RNF150: variants seen among roughly 807,000 people sequenced by gnomAD.
The protein encoded by RNF150 is ring finger protein 150.
In RNF150, 24 loss-of-function variants were observed where a neutral mutation model predicts 39.3. The observed-to-expected ratio is 0.61, with a 90% confidence interval of 0.44 to 0.86. The LOEUF (loss-of-function observed/expected upper bound fraction) is 0.86. Ranked by LOEUF, RNF150 falls within the 40% of genes least tolerant of loss-of-function variation. The pLI, the probability that RNF150 is intolerant of heterozygous loss-of-function variation, is 0.00. For synonymous variants in RNF150, 255 were observed against 227.3 expected, an observed-to-expected ratio of 1.12 and a Z score of -1.10; for missense variants, 502 against 587.8, an observed-to-expected ratio of 0.85 and a Z score of 1.51.
intron 6 of RNF150, among the ~76,000 whole-genome samples, chr4:140,875,585 A>G (rs536537856): frequency 2.0e-5 from 3 of 152,176 alleles, no homozygotes; most frequent in Non-Finnish European, 4.4e-5. Flanking sequence ...AGCTACATAT[A>G]GGCCTTTTCC....
At chr4:140,893,827 A>G (rs1179155819) in intron 6 of RNF150, among the ~76,000 whole-genome samples, 1 of 152,222 alleles carries the variant, frequency 6.6e-6, no homozygotes, top group Non-Finnish European at 1.5e-5. Context: ...CAGAATTAGG[A>G]AAATTCTTAA....
intron 1 of RNF150, among the ~76,000 whole-genome samples, chr4:141,211,461 C>T (rs1036952474): frequency 6.6e-6 from 1 of 152,148 alleles, no homozygotes; most frequent in Non-Finnish European, 1.5e-5. Context: ...ATGATGAACA[C>T]ATCTTACATT....
intron 1 of RNF150, among the ~76,000 whole-genome samples, chr4:140,975,270 T>A (rs62325721): frequency 0.17 from 25,854 of 151,898 alleles, 2,292 homozygotes; most frequent in Middle Eastern, 0.25. Flanking sequence ...GAAAAACAAA[T>A]ACATAAAATA....
intron 1 of RNF150, among the ~76,000 whole-genome samples, chr4:141,031,083 C>T (rs1277912731): frequency 6.6e-6 from 1 of 151,926 alleles, no homozygotes; most frequent in Non-Finnish European, 1.5e-5. Flanking sequence ...AACCCTGTAG[C>T]TCCAACTAAT....
At chr4:141,095,561 A>G (rs1468312827) in intron 1 of RNF150, among the ~76,000 whole-genome samples, 2 of 152,274 alleles carry the variant, frequency 1.3e-5, no homozygotes, top group Non-Finnish European at 2.9e-5. Context: ...GGGAAAAATC[A>G]GACACAAAAT....
intron 6 of RNF150, among the ~76,000 whole-genome samples, chr4:140,877,722 T>C (rs1254932491): frequency 2.6e-5 from 4 of 152,166 alleles, no homozygotes; most frequent in Non-Finnish European, 5.9e-5. Flanking sequence ...CAAGGTGACA[T>C]ATGCTAAAAG....
intron 1 of RNF150, among the ~76,000 whole-genome samples, chr4:141,023,048 C>T (rs1003999799): frequency 9.2e-5 from 14 of 151,706 alleles, no homozygotes; most frequent in Admixed American, 1.3e-4. Flanking sequence ...TAATTATACA[C>T]CAAGTTTAGA....
chr4:140,923,956 C>T (rs2111315696), intron 5 of RNF150, among the ~76,000 whole-genome samples: 1 of 151,710 alleles, frequency 6.6e-6, no homozygotes. Context: ...GAACATCACA[C>T]ACTGGGGCCT....
At chr4:141,005,046 G>T (rs928620841) in intron 1 of RNF150, among the ~76,000 whole-genome samples, 1 of 152,190 alleles carries the variant, frequency 6.6e-6, no homozygotes, top group Admixed American at 6.5e-5. Context: ...AAAACTAACA[G>T]GGCTTGGCAG....
chr4:141,044,910 G>A (rs1320935334), intron 1 of RNF150, among the ~76,000 whole-genome samples: 2 of 152,178 alleles, frequency 1.3e-5, no homozygotes, highest in Non-Finnish European at 2.9e-5. Context: ...AGCACAATTT[G>A]TTAGTTTAAT....
At chr4:140,871,368 AAT>A (rs1728931670) in intron 6 of RNF150, among the ~76,000 whole-genome samples, 1 of 152,032 alleles carries the variant, frequency 6.6e-6, no homozygotes. Flanking sequence ...TTTTTTTCTT[AAT>A]AAAAAATGCC....
intron 6 of RNF150, among the ~76,000 whole-genome samples, chr4:140,899,208 A>T (rs1183396086): frequency 6.6e-6 from 1 of 152,192 alleles, no homozygotes; most frequent in Non-Finnish European, 1.5e-5. Flanking sequence ...GGCTGCAGTG[A>T]ACTGCAGAGG....
At chr4:141,097,480 T>C (rs1278325085) in intron 1 of RNF150, among the ~76,000 whole-genome samples, 1 of 152,118 alleles carries the variant, frequency 6.6e-6, no homozygotes. Flanking sequence ...GATAGCCTTG[T>C]GTCATAGTTT....
intron 6 of RNF150, among the ~76,000 whole-genome samples, chr4:140,905,347 G>T (rs1730334918): frequency 6.6e-6 from 1 of 152,012 alleles, no homozygotes; most frequent in African/African-American, 2.4e-5. Flanking sequence ...TAATTCTCTT[G>T]CACTTTCATG....
At chr4:141,158,556 G>C (rs939834763) in intron 1 of RNF150, among the ~76,000 whole-genome samples, 1 of 151,992 alleles carries the variant, frequency 6.6e-6, no homozygotes, top group African/African-American at 2.4e-5. Flanking sequence ...AAGGCTTTAG[G>C]AATTACAACT....
intron 1 of RNF150, among the ~76,000 whole-genome samples, chr4:141,115,096 C>T (rs1373182526): frequency 1.3e-5 from 2 of 152,162 alleles, no homozygotes; most frequent in African/African-American, 2.4e-5. Context: ...ACAAGGATGC[C>T]TTTTCTCACC....
chr4:140,988,902 G>A (rs2111474026), intron 1 of RNF150, among the ~76,000 whole-genome samples: 1 of 152,154 alleles, frequency 6.6e-6, no homozygotes, highest in East Asian at 1.9e-4. Flanking sequence ...TTATCACAAG[G>A]ACAAAAAACC....
In RNF150 at chr4:140,868,175, G is replaced by A. The variant is rs1728787655; in HGVS notation, c.*86C>T. On this transcript the variant is annotated 3_prime_UTR_variant, in exon 7 of 7. Transcript: ENST00000515673. Reference sequence around the variant, plus strand: ...GGAGTTGCCAAGGTGATCTGGAGGTGTGTGTGTGCCTGGTCCAAGTCTTGG... The same window carrying A: ...GGAGTTGCCAAGGTGATCTGGAGGTATGTGTGTGCCTGGTCCAAGTCTTGG... The A allele has an allele frequency of 2.6e-6, 2 of 778,278 alleles. No individual in the cohort carries two copies. The highest frequency in any genetic ancestry group is 1.7e-5 in the African/African-American group (1 of 58,474). 48.2% of individuals were successfully genotyped at this position (778,278 alleles called of 1,614,324 possible).
At chr4:141,012,123 C>T (rs564040993) in intron 1 of RNF150, among the ~76,000 whole-genome samples, 1 of 152,206 alleles carries the variant, frequency 6.6e-6, no homozygotes, top group African/African-American at 2.4e-5. Flanking sequence ...AGAATCTTTT[C>T]TTTCAAAAAG....
Sources: allele counts gnomAD v4.1 joint callset (sites outside exome capture counted in the v4.1 genomes callset), GRCh38; gene constraint gnomAD v4.1.1; transcripts MANE v1.5; gene names NCBI Gene and HGNC (gene_info 2026-07-23, HGNC 2026-07-21).